The following CD101 variants were observed in gnomAD, a reference collection of about 807,000 sequenced individuals.
CD101 encodes immunoglobulin superfamily member 2.
A neutral mutation model predicts 98.2 loss-of-function variants in CD101; 76 were observed. The ratio of observed to expected loss-of-function variants is 0.77; its 90% confidence interval spans 0.64 to 0.94. The LOEUF is 0.94. CD101 is among the 40% of genes least tolerant of loss of function. The pLI is 0.00. For synonymous variants in CD101, 471 were observed against 472.7 expected (o/e 1.00, Z 0.05); for missense variants, 1,145 against 1,218.8 (o/e 0.94, Z 0.90).
At chr1:117,014,483 G>T (rs1033168845) in intron 4 of CD101, among the ~76,000 whole-genome samples, 1 of 152,100 alleles carries the variant, frequency 6.6e-6, no homozygotes, top group Non-Finnish European at 1.5e-5. Flanking sequence ...CGGTCCAAAT[G>T]GTTCTGAATG....
rs760534849 is a variant in CD101 at position 117,021,533 on chromosome 1, A to G, written c.2018-40A>G. On this transcript the variant is annotated intron_variant, in intron 6 of 9. Coordinates refer to ENST00000682167, the MANE Select transcript of CD101 (RefSeq NM_001256106.3). The surrounding 1 kb of genome is among the most constrained non-coding windows in gnomAD (Gnocchi z 4.7). Reference sequence around the variant, plus strand: ...AATGTCTCTACTACCTTAACTTTCTATTTCATAGCAAAGTAACTGTTTCAT... The same window carrying G: ...AATGTCTCTACTACCTTAACTTTCTGTTTCATAGCAAAGTAACTGTTTCAT... 2.0e-6 allele frequency: 3 copies of G among 1,507,856 alleles called. No homozygotes were observed. The highest frequency in any genetic ancestry group is 2.7e-6 in the Non-Finnish European group (3 of 1,127,940). 93.4% of individuals were successfully genotyped at this position (1,507,856 alleles called of 1,614,324 possible).
intron 8 of CD101, chr1:117,026,669 T>C (rs149382834): frequency 6.6e-6 from 1 of 152,336 alleles, no homozygotes; most frequent in African/African-American, 2.4e-5. Flanking sequence ...GTAAAAAGTA[T>C]ACAGTCTGTG....
chr1:117,008,326 G>A (rs955473210), intron 1 of CD101, among the ~76,000 whole-genome samples: 2 of 152,082 alleles, frequency 1.3e-5, no homozygotes, highest in African/African-American at 2.4e-5. Flanking sequence ...TTATCCAGGC[G>A]TGGTGGCCCA....
At chr1:117,007,268 G>A (rs1446005129) in intron 1 of CD101, among the ~76,000 whole-genome samples, 1 of 151,846 alleles carries the variant, frequency 6.6e-6, no homozygotes, top group Non-Finnish European at 1.5e-5. Context: ...GACCCTAGAA[G>A]CACCCACCCA....
chr1:117,030,963 T>C (rs1270083184), intron 8 of CD101, among the ~76,000 whole-genome samples: 1 of 152,252 alleles, frequency 6.6e-6, no homozygotes, highest in Non-Finnish European at 1.5e-5. Flanking sequence ...TCTCATTACA[T>C]TTTTGGCTTT....
rs1005291065 is a variant in CD101, at chr1:117,010,962, C to T, written c.425-588C>T. Among the ~76,000 whole-genome samples, 9 of 152,182 alleles carry T rather than the reference C, an allele frequency of 5.9e-5. No homozygotes were observed. Among genetic ancestry groups the T allele is most frequent in the African/African-American group, 2.2e-4 (9 of 41,452 alleles). On this transcript the variant is annotated intron_variant, in intron 2 of 9. Coordinates refer to ENST00000682167, the MANE Select transcript of CD101 (RefSeq NM_001256106.3). The surrounding 1 kb of genome is among the most constrained non-coding windows in gnomAD (Gnocchi z 5.2). ...CTAGCACCGAGTAGACGCTCAGTCA[C>T]ATTCATTGATTAAATCTAAGTGTTG... is the stretch of plus-strand genomic sequence containing the variant.
At chr1:117,016,508 A>G (rs1653227186) in intron 4 of CD101, among the ~76,000 whole-genome samples, 1 of 152,170 alleles carries the variant, frequency 6.6e-6, no homozygotes, top group Admixed American at 6.5e-5. Context: ...TGCCAACTAG[A>G]TATTCTTAAG....
intron 4 of CD101, among the ~76,000 whole-genome samples, chr1:117,014,516 A>G (rs955529704): frequency 1.3e-5 from 2 of 152,180 alleles, no homozygotes; most frequent in Non-Finnish European, 2.9e-5. Flanking sequence ...GAACTGAGGA[A>G]GCCACTCAGC....
At chr1:117,030,403 C>G (rs1462182103) in intron 8 of CD101, among the ~76,000 whole-genome samples, 1 of 127,210 alleles carries the variant, frequency 7.9e-6, no homozygotes, top group Admixed American at 8.0e-5. Flanking sequence ...AACAAACAAA[C>G]AAAGAGAGAG....
intron 4 of CD101, among the ~76,000 whole-genome samples, chr1:117,014,746 CATTGGAGACA>C (rs1653107352): frequency 6.6e-6 from 1 of 152,322 alleles, no homozygotes; most frequent in Admixed American, 6.5e-5. Flanking sequence ...TGCACTGGCT[CATTGGAGACA>C]TCTCCAAAGA....
Position 117,025,584 on chromosome 1 carries a change from G to A in CD101, c.2504G>A (p.Ser835Asn). The change falls in exon 8 of 10, where the codon AGC becomes AAC. Residue 835 changes from serine to asparagine, a missense_variant. Ser to Asn is a conservative substitution (Grantham distance 46). Transcript: ENST00000682167. ...TEHREVAIRCSLESVGSSATL... is the reference protein window; with the variant it reads ...TEHREVAIRCNLESVGSSATL... ...CACAGAGAAGTGGCCATCCGCTGCA[G>A]CCTGGAGAGTGTAGGCAGCTCAGCC... 1 of 1,613,636 alleles carries A rather than the reference G, an allele frequency of 6.2e-7. No individual in the cohort carries two copies. The highest frequency in any genetic ancestry group is 8.5e-7 in the Non-Finnish European group (1 of 1,179,980).
chr1:117,013,633 C>A lies in CD101; in HGVS notation c.1069C>A (p.Pro357Thr), dbSNP rs758647544. ...AGAGCTCCAGGTTTCAAAGTTAGGC[C>A]CCAAGGCTTTCTCTCTCAAGATCTT... ...QGELQVSKLG[P>T]KAFSLKIFSL... is the part of the protein sequence containing the mutation. Residue 357 changes from proline to threonine, a missense_variant, in exon 4 of 10, where the codon CCC becomes ACC. Coordinates refer to ENST00000682167, the MANE Select transcript of CD101 (RefSeq NM_001256106.3). 6.2e-7 allele frequency: 1 copy of A among 1,614,032 alleles called. No individual in the cohort carries two copies. Among genetic ancestry groups the A allele is most frequent in the Admixed American group, 1.7e-5 (1 of 59,996 alleles).
At position 117,025,867 on chromosome 1, in the gene CD101, T is replaced by A. The variant is rs1464612558; in HGVS notation, c.2787T>A (p.Asp929Glu). ...GCAAGTGGATTAATCAAGCATCCGA[T>A]GAGTCACAGCGGATGGTGCTCACGG... Reference protein sequence around the residue: ...HPSKWINQASDESQRMVLTVL... With the variant: ...HPSKWINQASEESQRMVLTVL... Residue 929 changes from aspartate (D) to glutamate (E), a missense_variant, in exon 8 of 10, where the codon GAT (aspartate) becomes GAA (glutamate). By Grantham distance (45) the Asp-to-Glu change is conservative (BLOSUM62 2). Coordinates refer to ENST00000682167, the MANE Select transcript of CD101 (RefSeq NM_001256106.3). The A allele has an allele frequency of 1.2e-6, 2 of 1,613,828 alleles. No individual in the cohort carries two copies. The highest frequency in any genetic ancestry group is 1.7e-6 in the Non-Finnish European group (2 of 1,179,784).
At position 117,004,136 on chromosome 1, in the gene CD101, C is replaced by A. The variant is rs1178574320; in HGVS notation, c.43+2276C>A. On this transcript the variant is annotated intron_variant, in intron 1 of 9. Coordinates refer to ENST00000682167, the MANE Select transcript of CD101 (RefSeq NM_001256106.3). The surrounding 1 kb of genome is among the most constrained non-coding windows in gnomAD (Gnocchi z 4.1). Reference sequence around the variant, plus strand: ...AAACTAGCTGCCCTACAAATAATGGCCATTAATATGGCAGGGTTTGGGGGA... The same window carrying A: ...AAACTAGCTGCCCTACAAATAATGGACATTAATATGGCAGGGTTTGGGGGA... 6.6e-6 allele frequency among the ~76,000 whole-genome samples: 1 copy of A among 151,982 alleles called. No individual in the cohort carries two copies. The highest frequency in any genetic ancestry group is 1.5e-5 in the Non-Finnish European group (1 of 68,002).
At position 117,010,011 on chromosome 1, in the gene CD101, G is replaced by T. The variant is rs751844425; in HGVS notation, c.205G>T (p.Glu69Ter). 2 of 1,614,198 alleles carry T rather than the reference G, an allele frequency of 1.2e-6. No individual in the cohort carries two copies. The highest frequency in any genetic ancestry group is 1.7e-6 in the Non-Finnish European group (2 of 1,180,042). ...TTACCTGCCGACAAACCCGACCCAG[G>T]AAGTCCAGATCATTAGCACCAAGGA... is the stretch of plus-strand genomic sequence containing the variant. ...SVYLPTNPTQ[E>*]VQIISTKDAA... Residue 69 changes from glutamate to a stop codon, truncating the protein, a stop_gained, in exon 2 of 10, where the codon GAA becomes TAA. Transcript: ENST00000682167. LOFTEE classifies it high-confidence loss of function. The surrounding 1 kb of genome is among the most constrained non-coding windows in gnomAD (Gnocchi z 5.2).
Position 117,029,175 on chromosome 1 carries a change from GA to G in CD101, c.2824+3274del, listed in dbSNP as rs1367165376. 4.5e-3 allele frequency among the ~76,000 whole-genome samples: 441 copies of G among 97,872 alleles called. 10 individuals are homozygous for G. Among genetic ancestry groups the G allele is most frequent in the Middle Eastern group, 0.017 (4 of 240 alleles). 64.2% of individuals were successfully genotyped at this position (97,872 alleles called of 152,430 possible). ...AGAAAGAAAGAAAGAAAGAAAGAAA[GA>G]AAGAAAGAAAGAAAGAAAGAAAGAA... On this transcript the variant is annotated intron_variant, in intron 8 of 9. Coordinates refer to ENST00000682167, the MANE Select transcript of CD101 (RefSeq NM_001256106.3).
chr1:117,011,320 A>G (rs986193834), intron 2 of CD101, among the ~76,000 whole-genome samples: 6 of 152,194 alleles, frequency 3.9e-5, no homozygotes, highest in African/African-American at 1.4e-4. Flanking sequence ...AAGCAAAGTG[A>G]GGGTCAACAC....
intron 5 of CD101, 86 bp downstream of exon 5, chr1:117,017,559 C>T (rs1489443910): frequency 1.9e-5 from 26 of 1,371,350 alleles, no homozygotes; most frequent in Non-Finnish European, 2.0e-6. Context: ...TATCCTGAAT[C>T]CCCCAGTGAT....
chr1:117,012,551 C>G lies in CD101; in HGVS notation c.841+585C>G, dbSNP rs971839415. On this transcript the variant is annotated intron_variant, in intron 3 of 9. Transcript: ENST00000682167. The surrounding 1 kb of genome is among the most constrained non-coding windows in gnomAD (Gnocchi z 4.0). ...CCTTTCCCAACTTGGAATGCAGTGA[C>G]TTTGCTTTTTTATTATTTTTTTAAT... 1.3e-5 allele frequency among the ~76,000 whole-genome samples: 2 copies of G among 152,130 alleles called. No individual in the cohort carries two copies. The highest frequency in any genetic ancestry group is 2.4e-5 in the African/African-American group (1 of 41,414).
Sources: allele counts gnomAD v4.1 joint callset (sites outside exome capture counted in the v4.1 genomes callset), GRCh38; gene constraint gnomAD v4.1.1; non-coding constraint Gnocchi (gnomAD v3.1); transcripts MANE v1.5; gene names NCBI Gene and HGNC (gene_info 2026-07-23, HGNC 2026-07-21).